The following FHIT variants were observed in gnomAD, a reference collection of about 807,000 sequenced individuals.
The protein encoded by FHIT is bis(5'-adenosyl)-triphosphatase.
Under a neutral mutation model 17.9 loss-of-function variants are expected in FHIT, and 19 were observed. The ratio of observed to expected loss-of-function variants is 1.06; its 90% CI spans 0.74 to 1.56. The LOEUF (loss-of-function observed/expected upper bound fraction) is 1.56. Among genes scored for constraint, FHIT ranks in the 40% most tolerant of loss-of-function variants. The probability of loss-of-function intolerance (pLI) is 0.00; values close to 1 mark genes in which losing one functional copy is unlikely to be tolerated. For missense variants in FHIT, 248 were observed against 189.2 expected (o/e 1.31, Z -1.82); for synonymous variants, 81 against 69.7 (o/e 1.16, Z -0.81).
intron 3 of FHIT, among the ~76,000 whole-genome samples, chr3:60,890,255 T>C (rs1553760350): frequency 8.2e-6 from 1 of 122,626 alleles, no homozygotes; most frequent in Non-Finnish European, 1.7e-5. Context: ...AAAAGGCCAA[T>C]CCAGAATACT....
At chr3:60,538,137 A>C (rs1311466432) in intron 4 of FHIT, among the ~76,000 whole-genome samples, 1 of 152,170 alleles carries the variant, frequency 6.6e-6, no homozygotes, top group African/African-American at 2.4e-5. Context: ...GCACACTTAT[A>C]CACCAATAAC....
rs555912257 is a variant in FHIT, at chr3:60,310,950, G to A, written c.103+225910C>T. 2.6e-5 allele frequency among the ~76,000 whole-genome samples: 4 copies of A among 152,016 alleles called. No homozygotes were observed. In the East Asian group the frequency reaches 5.8e-4, roughly 22 times the overall value. On this transcript the variant is annotated intron_variant, in intron 5 of 9. Coordinates refer to ENST00000492590, the MANE Select transcript of FHIT (RefSeq NM_002012.4). ...TTCCTTTGAAAATAAATTGCATTTA[G>A]CGCATACTTCTTAAAACTAAAACTA...
At chr3:60,142,303 T>C (rs1260770925) in intron 5 of FHIT, among the ~76,000 whole-genome samples, 1 of 152,148 alleles carries the variant, frequency 6.6e-6, no homozygotes, top group Non-Finnish European at 1.5e-5. Flanking sequence ...CTGAATTGGG[T>C]ACTGCTCAAA....
intron 5 of FHIT, among the ~76,000 whole-genome samples, chr3:60,361,272 T>G (rs1289360406): frequency 6.6e-6 from 1 of 152,096 alleles, no homozygotes; most frequent in Non-Finnish European, 1.5e-5. Flanking sequence ...GCTTTATAGG[T>G]TGAACGAGAC....
chr3:59,871,553 A>G (rs957028232), intron 8 of FHIT, among the ~76,000 whole-genome samples: 1 of 151,310 alleles, frequency 6.6e-6, no homozygotes, highest in African/African-American at 2.5e-5. Flanking sequence ...AGCTCACATA[A>G]TAAGTTTTAC....
chr3:60,728,176 T>C (rs570323667), intron 4 of FHIT, among the ~76,000 whole-genome samples: 31 of 152,342 alleles, frequency 2.0e-4, no homozygotes, highest in African/African-American at 6.5e-4. Flanking sequence ...TGCTATCAAC[T>C]ATGTCACATT....
intron 3 of FHIT, among the ~76,000 whole-genome samples, chr3:60,839,945 T>A (rs1182178271): frequency 1.3e-5 from 2 of 151,908 alleles, no homozygotes; most frequent in Non-Finnish European, 2.9e-5. Context: ...ACAGTCCAAC[T>A]ATTTTTTTTT....
chr3:60,007,579 T>C (rs189634009), intron 7 of FHIT, among the ~76,000 whole-genome samples: 7 of 152,324 alleles, frequency 4.6e-5, no homozygotes, highest in Non-Finnish European at 7.4e-5. Flanking sequence ...GCCCGGTTCA[T>C]GGCTCAGACC....
chr3:60,933,664 C>T (rs781807058), intron 3 of FHIT, among the ~76,000 whole-genome samples: 1 of 152,192 alleles, frequency 6.6e-6, no homozygotes, highest in Non-Finnish European at 1.5e-5. Context: ...GTCACCTCTG[C>T]AATTAGAAAA....
chr3:60,884,910 C>CAAAAAAAAAAAAAAAAAAAAAAAAAA (rs71092651), intron 3 of FHIT, among the ~76,000 whole-genome samples: 1 of 110,286 alleles, frequency 9.1e-6, no homozygotes, highest in African/African-American at 3.6e-5. Context: ...GACCCTTTCT[C>CAAAAAAAAAAAAAAAAAAAAAAAAAA]AAAAAAAAAA....
intron 5 of FHIT, among the ~76,000 whole-genome samples, chr3:60,319,577 C>T (rs561121350): frequency 6.6e-6 from 1 of 152,204 alleles, no homozygotes; most frequent in Admixed American, 6.5e-5. Flanking sequence ...ATCAGGTTTT[C>T]TGGAATGTGC....
At chr3:61,197,575 T>C in intron 2 of FHIT, among the ~76,000 whole-genome samples, 1 of 152,216 alleles carries the variant, frequency 6.6e-6, no homozygotes, top group Non-Finnish European at 1.5e-5. Flanking sequence ...TCCATTCTCA[T>C]TCTACATTCC....
intron 1 of FHIT, among the ~76,000 whole-genome samples, chr3:61,246,210 A>T (rs2040483991): frequency 6.6e-6 from 1 of 152,136 alleles, no homozygotes; most frequent in South Asian, 2.1e-4. Context: ...AAAAATGAGA[A>T]ACCAGCCACC....
At chr3:59,899,951 G>C (rs1178850162) in intron 8 of FHIT, among the ~76,000 whole-genome samples, 2 of 152,220 alleles carry the variant, frequency 1.3e-5, no homozygotes, top group African/African-American at 4.8e-5. Flanking sequence ...AAATATTTTA[G>C]GCTTTGCCGG....
chr3:60,860,378 C>CATACATCATATGTATAT (rs1703650238), intron 3 of FHIT, among the ~76,000 whole-genome samples: 3 of 142,022 alleles, frequency 2.1e-5, no homozygotes, highest in African/African-American at 8.6e-5. Flanking sequence ...CATATGTATA[C>CATACATCATATGTATAT]ATGACATACA....
rs528126912 is a variant in FHIT, at chr3:60,892,021, C to T, written c.-110-70010G>A. Among the ~76,000 whole-genome samples the T allele has an allele frequency of 2.0e-5, 3 of 152,258 alleles. No homozygotes were observed. In the South Asian group the frequency reaches 6.2e-4, roughly 32 times the overall value. On this transcript the variant is annotated intron_variant, in intron 3 of 9. Transcript: ENST00000492590. Reference sequence around the variant, plus strand: ...CAATGGACCTTAAAGGTGATTTGGTCTTATGGCTCCCCAATGTCAGTCCAT... The same window carrying T: ...CAATGGACCTTAAAGGTGATTTGGTTTTATGGCTCCCCAATGTCAGTCCAT...
intron 8 of FHIT, among the ~76,000 whole-genome samples, chr3:59,910,878 A>C (rs1704837268): frequency 6.6e-6 from 1 of 152,134 alleles, no homozygotes; most frequent in South Asian, 2.1e-4. Flanking sequence ...CAAATTAGGA[A>C]AGATGGGAAA....
chr3:60,308,496 GTA>G (rs5849349), intron 5 of FHIT, among the ~76,000 whole-genome samples: 16,295 of 140,196 alleles, frequency 0.12, 1,087 homozygotes, highest in Non-Finnish European at 0.17. Flanking sequence ...AGGTGTATGT[GTA>G]TATATATATA....
intron 5 of FHIT, among the ~76,000 whole-genome samples, chr3:60,454,728 G>C (rs142748960): frequency 1.4e-4 from 21 of 152,074 alleles, no homozygotes; most frequent in Non-Finnish European, 2.5e-4. Flanking sequence ...TTAATAAAAG[G>C]GCCACCATTT....
Sources: allele counts gnomAD v4.1 joint callset (sites outside exome capture counted in the v4.1 genomes callset), GRCh38; gene constraint gnomAD v4.1.1; transcripts MANE v1.5; gene names NCBI Gene and HGNC (gene_info 2026-07-23, HGNC 2026-07-21).